The following R3HDM1 variants were observed in gnomAD, a reference collection of about 807,000 sequenced individuals.
R3HDM1 encodes the protein R3H domain containing 1.
Under a neutral mutation model 141.1 loss-of-function variants are expected in R3HDM1, and 46 were observed. The ratio of observed to expected loss-of-function variants is 0.33; its 90% CI spans 0.26 to 0.42. The LOEUF (loss-of-function observed/expected upper bound fraction) is 0.42, where lower values mean the gene tolerates loss of function less well. R3HDM1 is among the 10% of genes least tolerant of loss of function. R3HDM1 has a pLI of 1.00. For missense variants in R3HDM1, 1,184 were observed against 1,368.3 expected, an observed-to-expected ratio of 0.87 and a Z score of 2.12; for synonymous variants, 435 against 472.9, an observed-to-expected ratio of 0.92 and a Z score of 1.04.
chr2:135,641,034 C>A (rs996192769), intron 14 of R3HDM1, among the ~76,000 whole-genome samples: 1 of 152,118 alleles, frequency 6.6e-6, no homozygotes, highest in Admixed American at 6.6e-5. Context: ...AAATTAGATT[C>A]TGCAATTAAA....
intron 21 of R3HDM1, among the ~76,000 whole-genome samples, chr2:135,691,608 CAG>C (rs1474760454): frequency 6.6e-6 from 1 of 151,392 alleles, no homozygotes; most frequent in Non-Finnish European, 1.5e-5. Flanking sequence ...AAAAAAAAAA[CAG>C]AAGTAAAGAG....
intron 1 of R3HDM1, among the ~76,000 whole-genome samples, chr2:135,559,859 G>T (rs1014361445): frequency 3.3e-5 from 5 of 152,170 alleles, no homozygotes; most frequent in African/African-American, 1.2e-4. Flanking sequence ...TCTAAGTAAT[G>T]AAACATTCAC....
At chr2:135,696,309 T>C (rs1429173203) in intron 21 of R3HDM1, among the ~76,000 whole-genome samples, 1 of 152,168 alleles carries the variant, frequency 6.6e-6, no homozygotes. Context: ...GATCAGTGGT[T>C]GCCTGGAGCC....
At chr2:135,653,004 T>A (rs1042736507) in intron 18 of R3HDM1, among the ~76,000 whole-genome samples, 1 of 152,012 alleles carries the variant, frequency 6.6e-6, no homozygotes, top group Admixed American at 6.6e-5. Flanking sequence ...TCTCTCTTTT[T>A]TGTTTTTTAT....
chr2:135,700,546 A>C (rs534888612), intron 21 of R3HDM1, among the ~76,000 whole-genome samples: 3 of 152,314 alleles, frequency 2.0e-5, no homozygotes, highest in East Asian at 3.9e-4. Context: ...AAAGGCAGAA[A>C]ACCAAATGAC....
chr2:135,616,307 G>A lies in R3HDM1; in HGVS notation c.213+114G>A, dbSNP rs1234687183. 1.9e-5 allele frequency: 20 copies of A among 1,074,710 alleles called. 1 individual carries two copies. Among genetic ancestry groups the A allele is most frequent in the Non-Finnish European group, 2.5e-5 (19 of 749,808 alleles). 66.6% of individuals were successfully genotyped at this position (1,074,710 alleles called of 1,614,324 possible). A position where few individuals can be genotyped will look rare whatever the true frequency, so the allele number is the denominator to read the frequency against. On this transcript the variant is annotated intron_variant, in intron 4 of 26. Transcript: ENST00000683871. ...TTAGTTCTTCCATATTTTATGGGGG[G>A]CAGAAAGCTTATTTTGTTTTATTTG... is the stretch of plus-strand genomic sequence containing the variant.
At chr2:135,620,383 T>C (rs546278729) in intron 5 of R3HDM1, 35 of 841,630 alleles carry the variant, frequency 4.2e-5, no homozygotes, top group Admixed American at 1.2e-4. Flanking sequence ...ATAAGAAAAA[T>C]TACTTACTGG....
At position 135,651,786 on chromosome 2, in the gene R3HDM1, T is replaced by G; in HGVS notation, c.1782T>G (p.Ala594=). 6.2e-7 allele frequency: 1 copy of G among 1,613,966 alleles called. No individual in the cohort carries two copies. Among genetic ancestry groups the G allele is most frequent in the East Asian group, 2.2e-5 (1 of 44,904 alleles). ...SHMSLARQPS[A]DGSDPHAAMF... ...TGAGTCTTGCTCGCCAGCCATCTGC[T>G]GATGGTTCTGACCCTCATGCCGCCA... The change falls in exon 18 of 27, where the codon GCT becomes GCG. Residue 594 remains alanine (A), a synonymous_variant. Coordinates refer to ENST00000683871, the MANE Select transcript of R3HDM1 (RefSeq NM_001378107.1).
chr2:135,630,626 A>G (rs2062615074), intron 7 of R3HDM1, among the ~76,000 whole-genome samples: 1 of 152,180 alleles, frequency 6.6e-6, no homozygotes, highest in African/African-American at 2.4e-5. Flanking sequence ...TCTGATGTGT[A>G]GACTTTCAGG....
chr2:135,694,346 G>T (rs2072907823), intron 21 of R3HDM1, among the ~76,000 whole-genome samples: 1 of 152,122 alleles, frequency 6.6e-6, no homozygotes, highest in Non-Finnish European at 1.5e-5. Flanking sequence ...TTTATTTTTT[G>T]AATAATTTCC....
chr2:135,575,018 T>G (rs1705064276), intron 1 of R3HDM1, among the ~76,000 whole-genome samples: 1 of 152,186 alleles, frequency 6.6e-6, no homozygotes, highest in Admixed American at 6.5e-5. Context: ...GAAGAAAGAC[T>G]ATCTCTGCAG....
At chr2:135,605,226 G>T (rs1336048689) in intron 3 of R3HDM1, 2 of 341,126 alleles carry the variant, frequency 5.9e-6, no homozygotes, top group Non-Finnish European at 1.1e-5. Context: ...TTATTTGTAT[G>T]TGGCTAGTGC....
intron 1 of R3HDM1, among the ~76,000 whole-genome samples, chr2:135,601,127 T>A (rs892871708): frequency 6.6e-5 from 10 of 152,342 alleles, no homozygotes; most frequent in African/African-American, 2.2e-4. Context: ...TACCATTTTA[T>A]GAGATAAAAA....
intron 1 of R3HDM1, among the ~76,000 whole-genome samples, chr2:135,575,920 C>T (rs1203602998): frequency 1.3e-5 from 2 of 152,018 alleles, no homozygotes; most frequent in Non-Finnish European, 2.9e-5. Flanking sequence ...AACAAACATA[C>T]AAGAATAGCC....
chr2:135,560,425 C>A (rs955577802), intron 1 of R3HDM1, among the ~76,000 whole-genome samples: 1 of 152,074 alleles, frequency 6.6e-6, no homozygotes, highest in Non-Finnish European at 1.5e-5. Flanking sequence ...GTGATTCTCC[C>A]ACCTCAGCCT....
At chr2:135,611,431 G>A (rs1356792734) in intron 3 of R3HDM1, among the ~76,000 whole-genome samples, 1 of 152,114 alleles carries the variant, frequency 6.6e-6, no homozygotes, top group African/African-American at 2.4e-5. Context: ...AATGTACCTA[G>A]TACATAGAGC....
intron 21 of R3HDM1, among the ~76,000 whole-genome samples, chr2:135,688,268 A>G (rs313527): frequency 0.032 from 4,924 of 152,300 alleles, 243 homozygotes; most frequent in African/African-American, 0.1. Flanking sequence ...TTCAAGCATG[A>G]GTTGGTACTG....
chr2:135,650,923 CTG>C (rs1208678531), intron 17 of R3HDM1: 44 of 985,192 alleles, frequency 4.5e-5, no homozygotes, highest in Non-Finnish European at 5.3e-5. Context: ...TATTGCCAGT[CTG>C]TGGTTTCTTG....
At chr2:135,648,715 A>G (rs1294316513) in intron 16 of R3HDM1, among the ~76,000 whole-genome samples, 1 of 151,560 alleles carries the variant, frequency 6.6e-6, no homozygotes. Flanking sequence ...AATTAAACAG[A>G]TGCAATTTTA....
Sources: gnomAD v4.1 joint callset for allele counts (sites outside exome capture counted in the v4.1 genomes callset) on GRCh38, gnomAD v4.1.1 for gene constraint, MANE v1.5 for transcripts, NCBI Gene and HGNC (gene_info 2026-07-23, HGNC 2026-07-21) for gene names.